The following STXBP5L variants were observed in gnomAD, a reference collection of about 807,000 sequenced individuals.
The protein encoded by STXBP5L is syntaxin-binding protein 5-like.
In STXBP5L, 65 loss-of-function variants were observed where a neutral mutation model predicts 144.5. The observed-to-expected ratio is 0.45, with a 90% CI of 0.37 to 0.55. STXBP5L has a LOEUF of 0.55. STXBP5L is among the 20% of genes least tolerant of loss of function. The probability of loss-of-function intolerance (pLI) is 0.00; values close to 1 mark genes in which losing one functional copy is unlikely to be tolerated. For synonymous variants in STXBP5L, 505 were observed against 469.6 expected (o/e 1.08, Z -0.97); for missense variants, 1,298 against 1,405.5 (o/e 0.92, Z 1.22).
chr3:120,909,455 A>C (rs1306941196), intron 1 of STXBP5L, 116 bp from the exon 2 acceptor site: 1 of 888,346 alleles, frequency 1.1e-6, no homozygotes, highest in Non-Finnish European at 1.7e-6. Context: ...GGTCGTAACC[A>C]ATGCTCATAA....
chr3:121,243,288 C>T (rs2049729747), intron 14 of STXBP5L, among the ~76,000 whole-genome samples: 1 of 151,936 alleles, frequency 6.6e-6, no homozygotes, highest in African/African-American at 2.4e-5. Context: ...CAGACAGATA[C>T]TAGAGCAGCA....
At chr3:121,190,202 C>T (rs529526403) in intron 9 of STXBP5L, among the ~76,000 whole-genome samples, 4 of 152,220 alleles carry the variant, frequency 2.6e-5, no homozygotes, top group South Asian at 2.1e-4. Flanking sequence ...GAGGGCCCTG[C>T]GGCCTTCCGC....
chr3:121,104,971 G>A (rs1383244859), intron 5 of STXBP5L, among the ~76,000 whole-genome samples: 1 of 152,000 alleles, frequency 6.6e-6, no homozygotes, highest in Non-Finnish European at 1.5e-5. Context: ...AGAAAATCTT[G>A]GCAACCTATG....
intron 20 of STXBP5L, among the ~76,000 whole-genome samples, chr3:121,341,853 G>A (rs771567839): frequency 5.3e-5 from 6 of 113,696 alleles, no homozygotes; most frequent in Non-Finnish European, 7.8e-5. Flanking sequence ...TAGAGGCTGA[G>A]AAGGGTAGTG....
At chr3:121,040,707 A>T (rs1460037454) in intron 3 of STXBP5L, among the ~76,000 whole-genome samples, 3 of 152,014 alleles carry the variant, frequency 2.0e-5, no homozygotes, top group Non-Finnish European at 4.4e-5. Context: ...TAGGCCTGCT[A>T]GATTTTATCT....
intron 5 of STXBP5L, among the ~76,000 whole-genome samples, chr3:121,107,842 G>A (rs998058252): frequency 2.0e-5 from 3 of 152,128 alleles, no homozygotes; most frequent in Non-Finnish European, 4.4e-5. Context: ...TCCTGCCCAT[G>A]GGCATGGAAT....
chr3:120,949,802 T>C (rs554979057), intron 2 of STXBP5L, among the ~76,000 whole-genome samples: 5 of 152,284 alleles, frequency 3.3e-5, no homozygotes, highest in African/African-American at 1.2e-4. Context: ...ACCAGTACCA[T>C]GCTGTTTTGG....
chr3:121,197,370 T>C (rs2047960926), intron 9 of STXBP5L, among the ~76,000 whole-genome samples: 1 of 152,206 alleles, frequency 6.6e-6, no homozygotes, highest in South Asian at 2.1e-4. Flanking sequence ...GTTGGTACTG[T>C]TAGATTGATG....
chr3:121,385,356 C>A (rs996609311), intron 22 of STXBP5L, among the ~76,000 whole-genome samples: 2 of 152,144 alleles, frequency 1.3e-5, no homozygotes, highest in African/African-American at 2.4e-5. Context: ...GAGGGAGGTA[C>A]CACATAATTT....
chr3:121,294,253 A>G (rs1156435776), intron 19 of STXBP5L, among the ~76,000 whole-genome samples: 1 of 152,238 alleles, frequency 6.6e-6, no homozygotes, highest in Non-Finnish European at 1.5e-5. Flanking sequence ...TAGATTCGGA[A>G]ATCATTAGCA....
intron 2 of STXBP5L, among the ~76,000 whole-genome samples, chr3:120,919,185 A>T (rs998147755): frequency 2.6e-5 from 4 of 152,106 alleles, no homozygotes; most frequent in African/African-American, 9.7e-5. Context: ...AAATAAATAA[A>T]TAAATAATTT....
intron 19 of STXBP5L, among the ~76,000 whole-genome samples, chr3:121,314,561 G>C (rs2043706366): frequency 6.8e-6 from 1 of 146,598 alleles, no homozygotes; most frequent in Non-Finnish European, 1.5e-5. Flanking sequence ...TCCAGCTTTG[G>C]CTCGGCATCA....
chr3:121,087,654 T>C (rs2042562297), intron 5 of STXBP5L, among the ~76,000 whole-genome samples: 1 of 152,060 alleles, frequency 6.6e-6, no homozygotes, highest in Non-Finnish European at 1.5e-5. Context: ...AATTAATGTT[T>C]ACATTAGATA....
chr3:121,079,491 G>A (rs1210920765), intron 5 of STXBP5L, among the ~76,000 whole-genome samples: 2 of 152,042 alleles, frequency 1.3e-5, no homozygotes, highest in East Asian at 1.9e-4. Context: ...TTTAAGGGAG[G>A]GTCACAATTT....
At chr3:120,919,884 T>G (rs943412150) in intron 2 of STXBP5L, among the ~76,000 whole-genome samples, 1 of 151,886 alleles carries the variant, frequency 6.6e-6, no homozygotes, top group Non-Finnish European at 1.5e-5. Flanking sequence ...CCTCTTATTC[T>G]TTTTTCAATG....
Position 121,303,125 on chromosome 3 carries a change from C to T in STXBP5L, c.2111-15350C>T, listed in dbSNP as rs534692315. 3.7e-4 allele frequency among the ~76,000 whole-genome samples: 56 copies of T among 152,222 alleles called. No individual in the cohort carries two copies. In the South Asian group the frequency reaches 0.01, roughly 28 times the overall value. ...CAAAATGGGAGAAAATTTTTGCAAT[C>T]TACTCATCTGACAAAGGGCTAATAT... On this transcript the variant is annotated intron_variant, in intron 19 of 26. Coordinates refer to ENST00000471454, the MANE Select transcript of STXBP5L (RefSeq NM_001308330.2).
intron 20 of STXBP5L, among the ~76,000 whole-genome samples, chr3:121,351,491 T>C (rs2045280844): frequency 6.6e-6 from 1 of 152,168 alleles, no homozygotes; most frequent in Admixed American, 6.5e-5. Context: ...AAGTCTTCTT[T>C]TGAGAAGTGT....
Position 121,136,892 on chromosome 3 carries a change from A to G in STXBP5L, c.669+15188A>G, listed in dbSNP as rs114550961. Among the ~76,000 whole-genome samples, 1,461 of 152,292 alleles carry G rather than the reference A, an allele frequency of 9.6e-3. 11 individuals carry two copies. Among genetic ancestry groups the G allele is most frequent in the Non-Finnish European group, 0.013 (916 of 68,006 alleles). ...CTACATATACACCATGGAATACTAC[A>G]TAGCTATTTTTAAAAATGAGGTCAT... On this transcript the variant is annotated intron_variant, in intron 7 of 26. Transcript: ENST00000471454.
chr3:121,182,396 T>C (rs559181494), intron 9 of STXBP5L, among the ~76,000 whole-genome samples: 1 of 152,298 alleles, frequency 6.6e-6, no homozygotes, highest in African/African-American at 2.4e-5. Flanking sequence ...TACATGGAAA[T>C]TAAATAATCT....
Sources: allele counts gnomAD v4.1 joint callset (sites outside exome capture counted in the v4.1 genomes callset), GRCh38; gene constraint gnomAD v4.1.1; transcripts MANE v1.5; gene names NCBI Gene and HGNC (gene_info 2026-07-23, HGNC 2026-07-21).